Variants in AP3M1 observed in about 807,000 individuals in gnomAD.
The protein encoded by AP3M1 is AP-3 complex subunit mu-1.
In AP3M1, 29 loss-of-function variants were observed where a neutral mutation model predicts 42.6. The ratio of observed to expected loss-of-function variants is 0.68; its 90% confidence interval spans 0.51 to 0.93. The LOEUF (loss-of-function observed/expected upper bound fraction) is 0.93, where lower values mean the gene tolerates loss of function less well. Ranked by LOEUF, AP3M1 falls within the 40% of genes least tolerant of loss-of-function variation. The pLI, the probability that AP3M1 is intolerant of heterozygous loss-of-function variation, is 0.00. For synonymous variants in AP3M1, 178 were observed against 175.3 expected (o/e 1.02, Z -0.12); for missense variants, 416 against 510.2 (o/e 0.82, Z 1.78).
intron 1 of AP3M1, 111 bp from the exon 2 acceptor site, chr10:74,138,493 G>A (rs562310908): frequency 1.7e-5 from 15 of 908,910 alleles, no homozygotes; most frequent in Non-Finnish European, 2.3e-5. Context: ...ATGCAAGGCT[G>A]GTTCAACATA....
chr10:74,126,631 G>T (rs1312344525), intron 6 of AP3M1, among the ~76,000 whole-genome samples: 1 of 151,634 alleles, frequency 6.6e-6, no homozygotes, highest in Non-Finnish European at 1.5e-5. Context: ...GGGTTGGGAG[G>T]GGATCACCTG....
chr10:74,129,757 G>A, intron 5 of AP3M1, 150 bp downstream of exon 5: 1 of 638,328 alleles, frequency 1.6e-6, no homozygotes, highest in South Asian at 2.0e-5. Flanking sequence ...CATCATGTAA[G>A]CGACTGTCTT....
intron 2 of AP3M1, 44 bp from the exon 3 acceptor site, chr10:74,136,847 G>C: frequency 7.6e-7 from 1 of 1,313,642 alleles, no homozygotes; most frequent in Non-Finnish European, 1.0e-6. Context: ...AAGGCAAAAA[G>C]AAAGGCCTGC....
intron 6 of AP3M1, 25 bp from the exon 7 acceptor site, chr10:74,126,380 A>G: frequency 6.3e-7 from 1 of 1,589,410 alleles, no homozygotes; most frequent in Non-Finnish European, 8.6e-7. Context: ...AGAGAAAGAT[A>G]CAAAAGCACA....
chr10:74,127,669 A>G (rs1250249578), intron 6 of AP3M1, among the ~76,000 whole-genome samples: 1 of 152,100 alleles, frequency 6.6e-6, no homozygotes, highest in Non-Finnish European at 1.5e-5. Context: ...CAAAACAAAC[A>G]AACAAAACAA....
chr10:74,144,119 G>A lies in AP3M1; in HGVS notation c.-3-5737C>T, dbSNP rs1591765221. Among the ~76,000 whole-genome samples, 5 of 152,042 alleles carry A rather than the reference G, an allele frequency of 3.3e-5. No homozygotes were observed. The South Asian group carries it at 8.3e-4, about 25-fold the overall frequency. On this transcript the variant is annotated intron_variant, in intron 1 of 8. Transcript: ENST00000355264. ...TGGGACTACAGGAGCCCGCCACCAC[G>A]CCTGGCTAATTTTTTGTATTTTTAG... is the stretch of plus-strand genomic sequence containing the variant.
chr10:74,125,534 T>C (rs1248077655), intron 7 of AP3M1, among the ~76,000 whole-genome samples: 3 of 152,228 alleles, frequency 2.0e-5, no homozygotes, highest in African/African-American at 7.2e-5. Flanking sequence ...TAACATTCTA[T>C]GATGTTATTC....
At chr10:74,148,317 T>C (rs1375892574) in intron 1 of AP3M1, among the ~76,000 whole-genome samples, 1 of 152,158 alleles carries the variant, frequency 6.6e-6, no homozygotes, top group African/African-American at 2.4e-5. Context: ...AGGGTTTGCC[T>C]TCTCTAAGGA....
intron 3 of AP3M1, among the ~76,000 whole-genome samples, chr10:74,135,195 C>G (rs951386177): frequency 7.2e-5 from 11 of 152,184 alleles, no homozygotes; most frequent in African/African-American, 2.7e-4. Flanking sequence ...AGGACTTTCT[C>G]TACTTTTTAA....
intron 6 of AP3M1, among the ~76,000 whole-genome samples, chr10:74,126,970 CAAAAAAAAAAAAAAAAAAA>C (rs58110411): frequency 6.2e-5 from 2 of 32,344 alleles, no homozygotes; most frequent in Non-Finnish European, 1.0e-4. Context: ...GACGCCATCT[CAAAAAAAAAAAAAAAAAAA>C]AAAAAAAAAA....
At chr10:74,147,556 A>G (rs1841369493) in intron 1 of AP3M1, among the ~76,000 whole-genome samples, 1 of 152,250 alleles carries the variant, frequency 6.6e-6, no homozygotes, top group Admixed American at 6.5e-5. Context: ...ATAAAATTTT[A>G]ATACCACAGA....
chr10:74,123,784 T>C lies in AP3M1; in HGVS notation c.*26A>G. The C allele has an allele frequency of 1.3e-6, 2 of 1,570,174 alleles. No individual in the cohort carries two copies. Among genetic ancestry groups the C allele is most frequent in the Non-Finnish European group, 1.8e-6 (2 of 1,140,162 alleles). On this transcript the variant is annotated 3_prime_UTR_variant, in exon 9 of 9. Transcript: ENST00000355264. The stretch of plus-strand genomic sequence containing the variant: ...TCGTAATGACACTTGGAAAACAAAC[T>C]GGTCCTGAGGAATTTTGGCCTCTTC...
At chr10:74,126,073 C>T (rs1315078170) in intron 7 of AP3M1, 75 bp downstream of exon 7, 6 of 1,492,818 alleles carry the variant, frequency 4.0e-6, no homozygotes, top group Middle Eastern at 1.7e-4. Flanking sequence ...CCAAACCTTT[C>T]CCTCCATTCC....
At chr10:74,136,289 T>C (rs762502583) in intron 3 of AP3M1, among the ~76,000 whole-genome samples, 19 of 152,340 alleles carry the variant, frequency 1.2e-4, no homozygotes, top group Middle Eastern at 6.8e-3. Context: ...AATGCCAGTC[T>C]ATAAATGGAC....
chr10:74,149,580 G>T (rs752121347), intron 1 of AP3M1, among the ~76,000 whole-genome samples: 1 of 152,068 alleles, frequency 6.6e-6, no homozygotes, highest in African/African-American at 2.4e-5. Context: ...GAGCCACCGC[G>T]CCTGGCCAAG....
intron 6 of AP3M1, among the ~76,000 whole-genome samples, chr10:74,128,503 T>A (rs1840685020): frequency 6.6e-6 from 1 of 152,068 alleles, no homozygotes; most frequent in Non-Finnish European, 1.5e-5. Context: ...CCTCCCAAAG[T>A]GTTGGGATTA....
At chr10:74,145,762 T>C (rs1421788802) in intron 1 of AP3M1, among the ~76,000 whole-genome samples, 1 of 152,206 alleles carries the variant, frequency 6.6e-6, no homozygotes, top group Non-Finnish European at 1.5e-5. Flanking sequence ...CTTAAATACA[T>C]CATAAATCCT....
In AP3M1 at chr10:74,138,244, G is replaced by A; in HGVS notation, c.136C>T (p.Pro46Ser). 6.2e-7 allele frequency: 1 copy of A among 1,614,094 alleles called. No homozygotes were observed. The highest frequency in any genetic ancestry group is 8.5e-7 in the Non-Finnish European group (1 of 1,180,010). ...QEKAADVENV[P>S]PVISTPHHYL... ...TGGTGAGGTGTTGAAATGACAGGTG[G>A]TACATTTTCAACATCAGCAGCTTTC... The change falls in exon 2 of 9, where the codon CCA (proline) becomes TCA (serine). Residue 46 changes from proline (P) to serine (S), a missense_variant. Pro to Ser is a moderately conservative substitution (Grantham distance 74). Transcript: ENST00000355264.
At chr10:74,138,859 AG>A (rs1841032709) in intron 1 of AP3M1, 1 of 148,024 alleles carries the variant, frequency 6.8e-6, no homozygotes, top group Non-Finnish European at 1.5e-5. Context: ...TGAGCCCAGG[AG>A]GAAGATCGAC....
Sources: allele counts gnomAD v4.1 joint callset (sites outside exome capture counted in the v4.1 genomes callset), GRCh38; gene constraint gnomAD v4.1.1; transcripts MANE v1.5; gene names NCBI Gene and HGNC (gene_info 2026-07-23, HGNC 2026-07-21).